MAPK9: variants seen among roughly 807,000 people sequenced by gnomAD.
The protein encoded by MAPK9 is mitogen-activated protein kinase 9.
A neutral mutation model predicts 57.1 loss-of-function variants in MAPK9; 30 were observed. The ratio of observed to expected loss-of-function variants is 0.53; its 90% CI spans 0.39 to 0.71. The LOEUF (loss-of-function observed/expected upper bound fraction) is 0.71. Ranked by LOEUF, MAPK9 falls within the 30% of genes least tolerant of loss-of-function variation. The probability of loss-of-function intolerance (pLI) is 0.00; values close to 1 mark genes in which losing one functional copy is unlikely to be tolerated. For missense variants in MAPK9, 362 were observed against 521.0 expected (o/e 0.69, Z 2.97); for synonymous variants, 155 against 177.0 (o/e 0.88, Z 0.99).
At chr5:180,253,969 T>TC (rs1444695425) in intron 5 of MAPK9, among the ~76,000 whole-genome samples, 3 of 148,070 alleles carry the variant, frequency 2.0e-5, no homozygotes, top group Admixed American at 6.7e-5. Context: ...ATCTCTTTTT[T>TC]TTTTTTTTTT....
intron 2 of MAPK9, 134 bp downstream of exon 2, chr5:180,280,306 T>C: frequency 1.7e-6 from 2 of 1,168,234 alleles, no homozygotes; most frequent in Non-Finnish European, 2.4e-6. Context: ...AGCAAGCAGT[T>C]GATTCAATTT....
chr5:180,235,845 T>G lies in MAPK9; in HGVS notation c.*539A>C, dbSNP rs1198306107. The G allele has an allele frequency of 6.6e-6, 1 of 152,628 alleles. No individual in the cohort carries two copies. The highest frequency in any genetic ancestry group is 2.4e-5 in the African/African-American group (1 of 41,462). 9.5% of individuals were successfully genotyped at this position (152,628 alleles called of 1,614,324 possible). On this transcript the variant is annotated 3_prime_UTR_variant, in exon 12 of 12. Transcript: ENST00000452135. Reference sequence around the variant, plus strand: ...TATATGTCTTCTGAAATACAAAAGATAGAATAAATCATAGCATAAAAGGGA... The same window carrying G: ...TATATGTCTTCTGAAATACAAAAGAGAGAATAAATCATAGCATAAAAGGGA...
chr5:180,249,169 T>G (rs1441750209), intron 5 of MAPK9, 31 bp from the exon 6 acceptor site: 1 of 1,590,318 alleles, frequency 6.3e-7, no homozygotes, highest in Non-Finnish European at 8.6e-7. Context: ...ATTAGTAAAA[T>G]GAATGAAGCA....
At chr5:180,262,954 C>T (rs1029401171) in intron 4 of MAPK9, 1 of 152,312 alleles carries the variant, frequency 6.6e-6, no homozygotes, top group African/African-American at 2.4e-5. Context: ...TAACCACACT[C>T]ACTTTCTTAG....
chr5:180,238,455 C>T (rs1173779663), intron 10 of MAPK9, 52 bp from the exon 11 acceptor site: 3 of 1,271,736 alleles, frequency 2.4e-6, no homozygotes, highest in East Asian at 4.6e-5. Context: ...AACAGTTTCA[C>T]TGTATCTCTA....
chr5:180,248,642 G>T (rs1426245266), intron 6 of MAPK9, among the ~76,000 whole-genome samples: 1 of 152,188 alleles, frequency 6.6e-6, no homozygotes, highest in Non-Finnish European at 1.5e-5. Flanking sequence ...TGCGAGGAGG[G>T]GCCATGGGGA....
chr5:180,280,731 A>AC (rs1475741340), intron 1 of MAPK9, 123 bp from the exon 2 acceptor site: 1 of 714,596 alleles, frequency 1.4e-6, no homozygotes, highest in Non-Finnish European at 2.1e-6. Flanking sequence ...AGTCAATCTG[A>AC]CCAAGTTCTG....
intron 5 of MAPK9, 98 bp from the exon 6 acceptor site, chr5:180,249,236 G>T: frequency 2.8e-6 from 3 of 1,082,278 alleles, no homozygotes; most frequent in East Asian, 2.8e-5. Context: ...GAGAGTGTAG[G>T]GAGTGAACTG....
intron 1 of MAPK9, among the ~76,000 whole-genome samples, chr5:180,285,736 C>A (rs578048210): frequency 6.6e-6 from 1 of 151,468 alleles, no homozygotes; most frequent in Admixed American, 6.6e-5. Flanking sequence ...CCAGCCTGGG[C>A]AACATGGTGA....
In MAPK9 at chr5:180,233,636, A is replaced by G. The variant is rs745672295; in HGVS notation, c.*2748T>C. 1 of 152,236 alleles carries G rather than the reference A, an allele frequency of 6.6e-6. No homozygotes were observed. Among genetic ancestry groups the G allele is most frequent in the African/African-American group, 2.4e-5 (1 of 41,468 alleles). The allele number at this position is 152,236 out of a possible 1,614,324, so 9.4% of individuals were successfully genotyped here. Reference sequence around the variant, plus strand: ...AGTCTGTATTATTTTCACCAACCAAAACACACATAATATATTTTATTATAA... The same window carrying G: ...AGTCTGTATTATTTTCACCAACCAAGACACACATAATATATTTTATTATAA... On this transcript the variant is annotated 3_prime_UTR_variant, in exon 12 of 12. Coordinates refer to ENST00000452135, the MANE Select transcript of MAPK9 (RefSeq NM_002752.5).
chr5:180,281,315 G>T (rs1488268451), intron 1 of MAPK9, among the ~76,000 whole-genome samples: 2 of 152,270 alleles, frequency 1.3e-5, no homozygotes, highest in Non-Finnish European at 2.9e-5. Flanking sequence ...ACACTAGGAA[G>T]TCTATCCACT....
intron 6 of MAPK9, 135 bp downstream of exon 6, chr5:180,248,838 G>T: frequency 1.3e-6 from 1 of 780,220 alleles, no homozygotes; most frequent in Non-Finnish European, 1.9e-6. Context: ...TCTTATCTCT[G>T]GATCATGCTA....
At chr5:180,240,072 T>G in intron 9 of MAPK9, 85 bp from the exon 10 acceptor site, 3 of 963,632 alleles carry the variant, frequency 3.1e-6, no homozygotes, top group Non-Finnish European at 4.9e-6. Flanking sequence ...CTTGGAAGAC[T>G]TCTAGTCTAT....
At chr5:180,244,953 C>A (rs112043233) in intron 7 of MAPK9, among the ~76,000 whole-genome samples, 1 of 152,194 alleles carries the variant, frequency 6.6e-6, no homozygotes, top group East Asian at 1.9e-4. Context: ...GCCAATCCCC[C>A]GTCCTCATCT....
chr5:180,265,972 G>T (rs941060350), intron 3 of MAPK9, among the ~76,000 whole-genome samples: 1 of 151,098 alleles, frequency 6.6e-6, no homozygotes, highest in South Asian at 2.1e-4. Context: ...AAACATGACA[G>T]GAAACCTAAG....
At chr5:180,259,316 C>T (rs552241136) in intron 5 of MAPK9, among the ~76,000 whole-genome samples, 4 of 150,978 alleles carry the variant, frequency 2.6e-5, no homozygotes, top group Non-Finnish European at 5.9e-5. Flanking sequence ...GTCAAGTCTT[C>T]AGACATTCCA....
Position 180,267,061 on chromosome 5 carries a change from A to G in MAPK9, c.252+2219T>C, listed in dbSNP as rs548908827. 1.4e-4 allele frequency among the ~76,000 whole-genome samples: 22 copies of G among 152,300 alleles called. No individual in the cohort carries two copies. In the South Asian group the frequency reaches 3.9e-3, roughly 27 times the overall value. On this transcript the variant is annotated intron_variant, in intron 3 of 11. Coordinates refer to ENST00000452135, the MANE Select transcript of MAPK9 (RefSeq NM_002752.5). ...ATTAAAGTATATGAGGTCTACCAAC[A>G]TTGCACGAGGAGAAAAGCAGGATGA...
intron 6 of MAPK9, among the ~76,000 whole-genome samples, chr5:180,248,700 A>T (rs1227443473): frequency 2.0e-5 from 3 of 152,238 alleles, no homozygotes; most frequent in Non-Finnish European, 4.4e-5. Context: ...GCTGAGCTGC[A>T]CACTCAGGAT....
Position 180,292,007 on chromosome 5 carries a change from T to C in MAPK9, c.-207A>G. The C allele has an allele frequency of 6.4e-6, 1 of 156,326 alleles. No homozygotes were observed. Among genetic ancestry groups the C allele is most frequent in the Non-Finnish European group, 1.4e-5 (1 of 73,380 alleles). The allele number at this position is 156,326 out of a possible 1,614,324, so 9.7% of individuals were successfully genotyped here. On this transcript the variant is annotated 5_prime_UTR_variant, in exon 1 of 12. Coordinates refer to ENST00000452135, the MANE Select transcript of MAPK9 (RefSeq NM_002752.5). ...GCCGCCGCCGCCGCCGCAGTGGGTGTGAGGGGCGCCGGGGCGCTGCGACCC... is the reference window on the plus strand; with the variant it reads ...GCCGCCGCCGCCGCCGCAGTGGGTGCGAGGGGCGCCGGGGCGCTGCGACCC...
Sources: gnomAD v4.1 joint callset for allele counts (sites outside exome capture counted in the v4.1 genomes callset) on GRCh38, gnomAD v4.1.1 for gene constraint, MANE v1.5 for transcripts, NCBI Gene and HGNC (gene_info 2026-07-23, HGNC 2026-07-21) for gene names.